The following DRC2 variants were observed in gnomAD, a reference collection of about 807,000 sequenced individuals.
DRC2 encodes coiled-coil domain containing 65.
the DRC2 span, among the ~76,000 whole-genome samples, chr12:48,916,212 G>A: frequency 1.3e-5 from 2 of 152,210 alleles, no homozygotes; most frequent in East Asian, 3.9e-4. Flanking sequence ...GCCGGGCAGA[G>A]GCTGCAATCT....
chr12:48,919,629 T>C, the DRC2 span, among the ~76,000 whole-genome samples: 1 of 152,058 alleles, frequency 6.6e-6, no homozygotes, highest in East Asian at 1.9e-4. Flanking sequence ...GCAATTCTCC[T>C]GCCTCAGCCT....
the DRC2 span, among the ~76,000 whole-genome samples, chr12:48,908,377 T>C: frequency 6.6e-6 from 1 of 152,106 alleles, no homozygotes; most frequent in Non-Finnish European, 1.5e-5. Context: ...CATCTATCCC[T>C]GACCTTTGTT....
At chr12:48,918,088 C>T in the DRC2 span, 6 of 579,340 alleles carry the variant, frequency 1.0e-5, no homozygotes, top group African/African-American at 7.5e-5. Flanking sequence ...CTCCAGTTCA[C>T]CACAGGCCCC....
chr12:48,918,698 T>C, the DRC2 span: 1 of 1,613,554 alleles, frequency 6.2e-7, no homozygotes, highest in Admixed American at 1.7e-5. Context: ...GCCATAACTA[T>C]TTCAAAAGGC....
chr12:48,913,925 CTTTT>C, the DRC2 span, among the ~76,000 whole-genome samples: 11 of 96,000 alleles, frequency 1.1e-4, no homozygotes, highest in African/African-American at 4.0e-4. Flanking sequence ...CGTGCCCAGT[CTTTT>C]TTTTTTTTTT....
At chr12:48,915,013 C>T in the DRC2 span, among the ~76,000 whole-genome samples, 2 of 151,758 alleles carry the variant, frequency 1.3e-5, no homozygotes, top group African/African-American at 4.8e-5. Context: ...TGCGTGCCAC[C>T]ACACCTGGCT....
At chr12:48,921,421 A>T in the DRC2 span, 6 of 1,610,028 alleles carry the variant, frequency 3.7e-6, no homozygotes, top group South Asian at 4.4e-5. Context: ...CATCCAGGTG[A>T]TAAACAACAT....
chr12:48,913,119 G>A, the DRC2 span, among the ~76,000 whole-genome samples: 1 of 113,270 alleles, frequency 8.8e-6, no homozygotes, highest in East Asian at 2.6e-4. Context: ...TGGTGACAGA[G>A]CAAGACTCCG....
the DRC2 span, among the ~76,000 whole-genome samples, chr12:48,915,468 T>C: frequency 1.1e-4 from 16 of 150,096 alleles, no homozygotes; most frequent in African/African-American, 3.9e-4. Context: ...CAGAAGAATT[T>C]TTCTTAGTAC....
At chr12:48,908,203 C>G in the DRC2 span, among the ~76,000 whole-genome samples, 1 of 152,104 alleles carries the variant, frequency 6.6e-6, no homozygotes, top group South Asian at 2.1e-4. Context: ...CAGGAGCATA[C>G]CACCTCACCT....
chr12:48,908,106 A>T, the DRC2 span, among the ~76,000 whole-genome samples: 7 of 152,050 alleles, frequency 4.6e-5, no homozygotes, highest in Admixed American at 3.3e-4. Context: ...TAAATTTTTA[A>T]ATTATTTTAA....
chr12:48,914,228 C>T, the DRC2 span, among the ~76,000 whole-genome samples: 2 of 152,294 alleles, frequency 1.3e-5, no homozygotes, highest in East Asian at 3.9e-4. Context: ...TGCGAGCCAC[C>T]TTGCTCAGCC....
At chr12:48,919,958 C>CA in the DRC2 span, among the ~76,000 whole-genome samples, 11 of 149,728 alleles carry the variant, frequency 7.3e-5, no homozygotes, top group South Asian at 4.2e-4. Flanking sequence ...CCATCTCTAC[C>CA]AAAAAAAAGC....
the DRC2 span, chr12:48,905,168 A>G: frequency 3.4e-6 from 5 of 1,460,462 alleles, no homozygotes; most frequent in South Asian, 7.1e-5. Context: ...TCTTAATAGA[A>G]TGAGCCTAGT....
chr12:48,920,829 T>G, the DRC2 span: 18 of 1,094,902 alleles, frequency 1.6e-5, no homozygotes, highest in Non-Finnish European at 2.4e-5. Context: ...TGTTTCCCAC[T>G]TGGATGAGTA....
chr12:48,917,135 A>T, the DRC2 span: 6 of 1,612,350 alleles, frequency 3.7e-6, no homozygotes, highest in South Asian at 5.5e-5. Context: ...GATAGGCAAG[A>T]AGTGGGAGGA....
At chr12:48,920,109 T>C in the DRC2 span, among the ~76,000 whole-genome samples, 81 of 60,418 alleles carry the variant, frequency 1.3e-3, no homozygotes, top group African/African-American at 5.5e-3. Context: ...TAAGACCCTG[T>C]CTAAAAAAAA....
chr12:48,907,079 G>A, the DRC2 span, among the ~76,000 whole-genome samples: 2 of 151,942 alleles, frequency 1.3e-5, no homozygotes, highest in Non-Finnish European at 2.9e-5. Flanking sequence ...GCCAGGCGTG[G>A]TGGCGGGCAC....
chr12:48,904,430 G>A, the DRC2 span: 4 of 1,613,924 alleles, frequency 2.5e-6, no homozygotes, highest in Non-Finnish European at 3.4e-6. Flanking sequence ...GGAGGAGATG[G>A]CCAAAAAGAA....
Sources: gnomAD v4.1 joint callset for allele counts (sites outside exome capture counted in the v4.1 genomes callset) on GRCh38, gnomAD v4.1.1 for gene constraint, MANE v1.5 for transcripts, NCBI Gene and HGNC (gene_info 2026-07-23, HGNC 2026-07-21) for gene names.